The following PLEKHA5 variants were observed in gnomAD, a reference collection of about 807,000 sequenced individuals.
PLEKHA5 encodes pleckstrin homology domain containing A5, also known as pleckstrin homology domain-containing family A member 5.
A neutral mutation model predicts 181.9 loss-of-function variants in PLEKHA5; 55 were observed. The observed-to-expected ratio is 0.30, with a 90% CI of 0.24 to 0.38. The LOEUF is 0.38. PLEKHA5 is among the 10% of genes least tolerant of loss of function. The pLI, the probability that PLEKHA5 is intolerant of heterozygous loss-of-function variation, is 1.00. For synonymous variants in PLEKHA5, 535 were observed against 529.4 expected (o/e 1.01, Z -0.15); for missense variants, 1,432 against 1,549.5 (o/e 0.92, Z 1.27).
intron 31 of PLEKHA5, chr12:19,371,558 G>A: frequency 5.7e-6 from 1 of 175,560 alleles, no homozygotes; most frequent in Non-Finnish European, 1.2e-5. Context: ...GAGAACATAT[G>A]ATATTTGGTT....
chr12:19,304,207 C>G (rs1425673843), intron 15 of PLEKHA5, among the ~76,000 whole-genome samples: 3 of 152,120 alleles, frequency 2.0e-5, no homozygotes, highest in Non-Finnish European at 4.4e-5. Context: ...GCGTTCAAGA[C>G]CAGCCTGGCC....
intron 3 of PLEKHA5, among the ~76,000 whole-genome samples, chr12:19,228,512 T>C (rs2059999662): frequency 6.6e-6 from 1 of 152,208 alleles, no homozygotes; most frequent in Non-Finnish European, 1.5e-5. Flanking sequence ...TCAGACACTA[T>C]TGTTGTAAGT....
intron 1 of PLEKHA5, 38 bp downstream of exon 1, chr12:19,129,926 G>T: frequency 6.4e-7 from 1 of 1,559,576 alleles, no homozygotes; most frequent in Non-Finnish European, 8.7e-7. Context: ...CCGCGGGGGC[G>T]GGAGGGCAGG....
chr12:19,224,535 C>T (rs1015517068), intron 3 of PLEKHA5, among the ~76,000 whole-genome samples: 3 of 152,060 alleles, frequency 2.0e-5, no homozygotes, highest in African/African-American at 2.4e-5. Flanking sequence ...TCTTTACAAC[C>T]AAATAGGGCC....
chr12:19,132,423 C>G lies in PLEKHA5; in HGVS notation c.200C>G (p.Thr67Ser), dbSNP rs761955735. The change falls in exon 3 of 32, where the codon ACT becomes AGT. Residue 67 changes from threonine to serine, a missense_variant. By Grantham distance (58) the Thr-to-Ser change is moderately conservative. Coordinates refer to ENST00000429027, the MANE Select transcript of PLEKHA5 (RefSeq NM_001256470.2). ...CCTACTGGCTGGGAAGAAGCATATA[C>G]TTTTGAAGGTGCAAGATACTATATA... ...DLPTGWEEAY[T>S]FEGARYYINH... 1 of 1,558,820 alleles carries G rather than the reference C, an allele frequency of 6.4e-7. No individual in the cohort carries two copies. Among genetic ancestry groups the G allele is most frequent in the Admixed American group, 1.8e-5 (1 of 54,172 alleles).
At chr12:19,230,351 C>T (rs1418173607) in intron 3 of PLEKHA5, among the ~76,000 whole-genome samples, 3 of 152,166 alleles carry the variant, frequency 2.0e-5, no homozygotes, top group South Asian at 2.1e-4. Flanking sequence ...AGTCCCATGC[C>T]GTGCGCCCGC....
chr12:19,265,260 T>C (rs1035936202), intron 7 of PLEKHA5, among the ~76,000 whole-genome samples: 4 of 152,176 alleles, frequency 2.6e-5, no homozygotes, highest in African/African-American at 4.8e-5. Flanking sequence ...AATAAGCAAA[T>C]AAATAGCTAA....
chr12:19,188,323 T>C (rs2050311824), intron 3 of PLEKHA5, among the ~76,000 whole-genome samples: 1 of 152,226 alleles, frequency 6.6e-6, no homozygotes, highest in Admixed American at 6.5e-5. Flanking sequence ...AAAATTGTTA[T>C]TTCCCTCCTC....
In PLEKHA5 at chr12:19,359,515, C is replaced by A; in HGVS notation, c.3452C>A (p.Thr1151Asn). The A allele has an allele frequency of 6.2e-7, 1 of 1,613,878 alleles. No individual in the cohort carries two copies. The highest frequency in any genetic ancestry group is 8.5e-7 in the Non-Finnish European group (1 of 1,179,906). Residue 1151 changes from threonine (T) to asparagine (N), a missense_variant, in exon 28 of 32, where the codon ACC becomes AAC. By Grantham distance (65) the Thr-to-Asn change is moderately conservative. This residue lies in a region of PLEKHA5 where 1,143 missense variants were observed against 1,168.4 expected (regional missense o/e 0.98). Coordinates refer to ENST00000429027, the MANE Select transcript of PLEKHA5 (RefSeq NM_001256470.2). ...PATEIVQLKE[T>N]EPQNVDFSKE... ...ACAGAAATTGTTCAACTAAAAGAAA[C>A]CGAACCCCAAAATGTGGACTTCAGC...
chr12:19,211,135 A>T (rs920581861), intron 3 of PLEKHA5, among the ~76,000 whole-genome samples: 4 of 152,122 alleles, frequency 2.6e-5, no homozygotes, highest in African/African-American at 9.7e-5. Context: ...AATTACAGAT[A>T]TACCAAAGAT....
intron 3 of PLEKHA5, among the ~76,000 whole-genome samples, chr12:19,192,890 T>G (rs919839405): frequency 1.3e-5 from 2 of 152,206 alleles, no homozygotes; most frequent in African/African-American, 2.4e-5. Context: ...TAACTGTGGC[T>G]GTGGACCAAA....
chr12:19,206,353 A>G (rs1565465570), intron 3 of PLEKHA5, among the ~76,000 whole-genome samples: 1 of 152,262 alleles, frequency 6.6e-6, no homozygotes, highest in East Asian at 1.9e-4. Context: ...ATGTATTTAT[A>G]ATAGGTGAAC....
chr12:19,146,487 T>C (rs2038946266), intron 3 of PLEKHA5, among the ~76,000 whole-genome samples: 1 of 152,218 alleles, frequency 6.6e-6, no homozygotes, highest in African/African-American at 2.4e-5. Context: ...CCCCTACAAA[T>C]AAAAAGTTTT....
chr12:19,284,710 A>G (rs1035238898), intron 12 of PLEKHA5, among the ~76,000 whole-genome samples: 1 of 152,224 alleles, frequency 6.6e-6, no homozygotes, highest in African/African-American at 2.4e-5. Context: ...AGTGGCTTTG[A>G]TTAGTCAGCT....
chr12:19,253,256 G>T (rs1592214733), intron 3 of PLEKHA5, among the ~76,000 whole-genome samples: 3 of 150,442 alleles, frequency 2.0e-5, no homozygotes, highest in African/African-American at 4.9e-5. Context: ...TGTATTTTTA[G>T]TAGAGATGGT....
intron 8 of PLEKHA5, among the ~76,000 whole-genome samples, 163 bp from the exon 9 acceptor site, chr12:19,269,607 T>A (rs946222212): frequency 4.6e-5 from 7 of 152,078 alleles, no homozygotes; most frequent in Admixed American, 3.9e-4. Context: ...AGTTAATAGT[T>A]ATATTTTTTC....
chr12:19,304,643 AACAAAGT>A (rs1245574674), intron 15 of PLEKHA5, among the ~76,000 whole-genome samples: 2 of 152,190 alleles, frequency 1.3e-5, no homozygotes, highest in Admixed American at 6.5e-5. Context: ...GAAAGACAAA[AACAAAGT>A]ACAATACTCA....
chr12:19,283,848 A>T, intron 12 of PLEKHA5, 103 bp downstream of exon 12: 1 of 684,902 alleles, frequency 1.5e-6, no homozygotes. Flanking sequence ...ATGGGGATAA[A>T]GTAAGCAAGG....
At chr12:19,163,216 G>T (rs867472113) in intron 3 of PLEKHA5, among the ~76,000 whole-genome samples, 2 of 149,262 alleles carry the variant, frequency 1.3e-5, no homozygotes, top group Non-Finnish European at 3.0e-5. Flanking sequence ...TCACTCTATC[G>T]CCCAGGCTGG....
Sources: allele counts gnomAD v4.1 joint callset (sites outside exome capture counted in the v4.1 genomes callset), GRCh38; gene constraint gnomAD v4.1.1; regional missense constraint gnomAD v4.1.1; transcripts MANE v1.5; gene names NCBI Gene and HGNC (gene_info 2026-07-23, HGNC 2026-07-21).